The following FTCDNL1 variants were observed in gnomAD, a reference collection of about 807,000 sequenced individuals.
FTCDNL1 encodes the protein formiminotransferase N-terminal subdomain-containing protein.
Under a neutral mutation model 5.9 loss-of-function variants are expected in FTCDNL1, and 11 were observed. The ratio of observed to expected loss-of-function variants is 1.87; its 90% confidence interval spans 1.18 to 3.10. FTCDNL1 has a LOEUF of 3.10. Among genes scored for constraint, FTCDNL1 ranks in the 30% most tolerant of loss-of-function variants. The pLI is 0.00. For missense variants in FTCDNL1, 115 were observed against 65.5 expected, an observed-to-expected ratio of 1.76 and a Z score of -2.61; for synonymous variants, 58 against 24.8, an observed-to-expected ratio of 2.34 and a Z score of -3.99.
At chr2:199,690,498 G>A in the FTCDNL1 span, among the ~76,000 whole-genome samples, 2 of 152,186 alleles carry the variant, frequency 1.3e-5, no homozygotes, top group South Asian at 4.2e-4. Flanking sequence ...TCCTTGTAAT[G>A]TCCTCTGCCT....
At chr2:199,760,451 C>T (rs1409791224), downstream of FTCDNL1, 1 of 204,442 alleles carries the variant, frequency 4.9e-6, no homozygotes, top group East Asian at 1.2e-4. Context: ...GGCCAGGGCT[C>T]CTTCCGGAGT....
intron 3 of FTCDNL1, among the ~76,000 whole-genome samples, chr2:199,779,199 G>A (rs1392597686): frequency 6.6e-6 from 1 of 152,098 alleles, no homozygotes; most frequent in Non-Finnish European, 1.5e-5. Context: ...GGCTCTATCG[G>A]CTGGGCAAAA....
chr2:199,846,013 T>C (rs2076723656), intron 3 of FTCDNL1, 62 bp downstream of exon 3: 1 of 618,770 alleles, frequency 1.6e-6, no homozygotes, highest in Non-Finnish European at 2.9e-6. Context: ...GATTAGAGAA[T>C]GTTCAGGTCT....
intron 3 of FTCDNL1, among the ~76,000 whole-genome samples, chr2:199,821,053 T>A (rs905842821): frequency 2.0e-5 from 3 of 152,176 alleles, no homozygotes; most frequent in Non-Finnish European, 4.4e-5. Flanking sequence ...CAGGCTGCCA[T>A]GTTAATGGAG....
At chr2:199,841,464 A>C (rs2076586404) in intron 3 of FTCDNL1, among the ~76,000 whole-genome samples, 1 of 152,032 alleles carries the variant, frequency 6.6e-6, no homozygotes, top group African/African-American at 2.4e-5. Context: ...ATAAATATAG[A>C]CTAGATCTAC....
chr2:199,694,129 G>A, the FTCDNL1 span, among the ~76,000 whole-genome samples: 2 of 152,170 alleles, frequency 1.3e-5, no homozygotes, highest in Non-Finnish European at 2.9e-5. Context: ...AAGAATGCAA[G>A]TTGCCCTTGC....
At chr2:199,693,120 A>G in the FTCDNL1 span, among the ~76,000 whole-genome samples, 19 of 152,200 alleles carry the variant, frequency 1.2e-4, no homozygotes, top group Non-Finnish European at 2.6e-4. Context: ...ATTGTACAGT[A>G]CATTCTGTTT....
chr2:199,750,699 G>A, the FTCDNL1 span, among the ~76,000 whole-genome samples: 2 of 152,174 alleles, frequency 1.3e-5, no homozygotes, highest in African/African-American at 2.4e-5. Flanking sequence ...TGAAGACTCC[G>A]CCATGGATGG....
the FTCDNL1 span, among the ~76,000 whole-genome samples, chr2:199,717,555 A>G: frequency 8.3e-6 from 1 of 119,998 alleles, no homozygotes; most frequent in Non-Finnish European, 1.6e-5. Flanking sequence ...ACATCTGGCA[A>G]GGAAGGCCTC....
intron 3 of FTCDNL1, among the ~76,000 whole-genome samples, chr2:199,839,017 T>C (rs1429581310): frequency 6.6e-6 from 1 of 152,060 alleles, no homozygotes; most frequent in African/African-American, 2.4e-5. Flanking sequence ...TACTGAAGTA[T>C]GAGTTCCCCA....
chr2:199,844,285 G>A (rs151235093), intron 3 of FTCDNL1: 12 of 418,330 alleles, frequency 2.9e-5, no homozygotes, highest in African/African-American at 4.1e-5. Context: ...AACTTTTCCC[G>A]GGGGCTGAGG....
chr2:199,676,936 T>G, the FTCDNL1 span, among the ~76,000 whole-genome samples: 1 of 152,332 alleles, frequency 6.6e-6, no homozygotes, highest in Non-Finnish European at 1.5e-5. Context: ...TTGGGTTTTT[T>G]CACAACATAC....
chr2:199,845,223 G>T (rs1026853892), intron 3 of FTCDNL1, among the ~76,000 whole-genome samples: 2 of 152,030 alleles, frequency 1.3e-5, no homozygotes, highest in Admixed American at 1.3e-4. Context: ...GACCATTTTA[G>T]CAATAGAGGA....
chr2:199,767,479 A>G (rs978007647), intron 3 of FTCDNL1, among the ~76,000 whole-genome samples: 3 of 152,242 alleles, frequency 2.0e-5, no homozygotes, highest in Non-Finnish European at 4.4e-5. Context: ...AACTGCATTA[A>G]TTAATGCCAT....
At chr2:199,849,949 G>A (rs1246696971) in intron 1 of FTCDNL1, among the ~76,000 whole-genome samples, 1 of 152,032 alleles carries the variant, frequency 6.6e-6, no homozygotes, top group Non-Finnish European at 1.5e-5. Flanking sequence ...TGTTCCCTGT[G>A]TGAGGGATAC....
At chr2:199,773,358 C>T (rs1698905718) in intron 3 of FTCDNL1, among the ~76,000 whole-genome samples, 1 of 151,864 alleles carries the variant, frequency 6.6e-6, no homozygotes, top group Non-Finnish European at 1.5e-5. Flanking sequence ...CTTAGGAGGG[C>T]CACAATAACC....
At chr2:199,689,816 A>C in the FTCDNL1 span, among the ~76,000 whole-genome samples, 1 of 151,476 alleles carries the variant, frequency 6.6e-6, no homozygotes, top group Non-Finnish European at 1.5e-5. Context: ...CGTCTAAAAA[A>C]AAAAAAAAAA....
chr2:199,682,521 C>A, the FTCDNL1 span, among the ~76,000 whole-genome samples: 1 of 152,064 alleles, frequency 6.6e-6, no homozygotes, highest in Non-Finnish European at 1.5e-5. Context: ...TATATGAACC[C>A]AAAAATATGA....
At chr2:199,690,227 G>A in the FTCDNL1 span, among the ~76,000 whole-genome samples, 1 of 152,206 alleles carries the variant, frequency 6.6e-6, no homozygotes, top group Non-Finnish European at 1.5e-5. Flanking sequence ...GGTTTCCACT[G>A]TATGCATCCA....
Sources: allele counts gnomAD v4.1 joint callset (sites outside exome capture counted in the v4.1 genomes callset), GRCh38; gene constraint gnomAD v4.1.1; transcripts MANE v1.5; gene names NCBI Gene and HGNC (gene_info 2026-07-23, HGNC 2026-07-21).